Variants in CNTNAP2 observed in about 807,000 individuals in gnomAD.
The protein encoded by CNTNAP2 is contactin-associated protein-like 2.
A neutral mutation model predicts 155.2 loss-of-function variants in CNTNAP2; 98 were observed. The ratio of observed to expected loss-of-function variants is 0.63; its 90% confidence interval spans 0.54 to 0.75. CNTNAP2 has a LOEUF of 0.75. CNTNAP2 is among the 30% of genes least tolerant of loss of function. CNTNAP2 has a pLI of 0.00. For synonymous variants in CNTNAP2, 651 were observed against 631.2 expected, an observed-to-expected ratio of 1.03 and a Z score of -0.47; for missense variants, 1,727 against 1,688.1, an observed-to-expected ratio of 1.02 and a Z score of -0.40.
chr7:148,265,128 C>T (rs1443506535), intron 20 of CNTNAP2, among the ~76,000 whole-genome samples: 3 of 152,244 alleles, frequency 2.0e-5, no homozygotes, highest in East Asian at 1.9e-4. Context: ...AACAGAAGTG[C>T]GGTGGCAGTT....
chr7:146,579,900 G>A (rs1798585639), intron 1 of CNTNAP2, among the ~76,000 whole-genome samples: 3 of 152,062 alleles, frequency 2.0e-5, no homozygotes, highest in East Asian at 1.9e-4. Flanking sequence ...TTTAACCCAC[G>A]TTCTCTTAAA....
At chr7:147,194,660 T>C (rs1802747447) in intron 8 of CNTNAP2, among the ~76,000 whole-genome samples, 1 of 152,248 alleles carries the variant, frequency 6.6e-6, no homozygotes, top group Non-Finnish European at 1.5e-5. Context: ...TTGACTTGCA[T>C]TTCTCTGATG....
chr7:146,332,941 A>AT (rs4016094), intron 1 of CNTNAP2, among the ~76,000 whole-genome samples: 23,470 of 102,482 alleles, frequency 0.23, 3,704 homozygotes, highest in Middle Eastern at 0.36. Flanking sequence ...TTCTTCTTCT[A>AT]TTTTTTTTTT....
At chr7:146,944,338 T>G (rs1797114421) in intron 3 of CNTNAP2, among the ~76,000 whole-genome samples, 1 of 152,098 alleles carries the variant, frequency 6.6e-6, no homozygotes. Context: ...AAAGATCAAC[T>G]GTAGATTTTT....
intron 1 of CNTNAP2, among the ~76,000 whole-genome samples, chr7:146,449,228 GGAAT>G (rs1796443976): frequency 6.6e-6 from 1 of 151,910 alleles, no homozygotes; most frequent in Admixed American, 6.6e-5. Context: ...ATTGGTTTCA[GGAAT>G]GTTTATTATT....
intron 1 of CNTNAP2, among the ~76,000 whole-genome samples, chr7:146,646,618 G>A (rs1159178833): frequency 1.3e-5 from 2 of 152,092 alleles, no homozygotes; most frequent in Non-Finnish European, 2.9e-5. Flanking sequence ...CTCTGTTGGT[G>A]GACATATTCT....
chr7:147,059,392 C>G (rs191475618), intron 4 of CNTNAP2, among the ~76,000 whole-genome samples: 1 of 150,486 alleles, frequency 6.6e-6, no homozygotes. Context: ...TAGTAAGAGT[C>G]TTGAGCACAA....
rs1471650619 is a variant in CNTNAP2 at position 147,300,336 on chromosome 7, G to A, written c.1498+46G>A. ...TGGTTACTAATCCATTGCAAAAAATGAGGTTTCAAAATGAAGTTTGATTAT... is the reference window on the plus strand; with the variant it reads ...TGGTTACTAATCCATTGCAAAAAATAAGGTTTCAAAATGAAGTTTGATTAT... On this transcript the variant is annotated intron_variant, in intron 9 of 23. Coordinates refer to ENST00000361727, the MANE Select transcript of CNTNAP2 (RefSeq NM_014141.6). 1.9e-6 allele frequency: 3 copies of A among 1,608,512 alleles called. No homozygotes were observed. The South Asian group carries it at 3.3e-5, about 18-fold the overall frequency.
At chr7:148,208,823 A>T (rs1585188558) in intron 18 of CNTNAP2, among the ~76,000 whole-genome samples, 2 of 150,672 alleles carry the variant, frequency 1.3e-5, no homozygotes, top group Admixed American at 6.6e-5. Flanking sequence ...TTCTTGAAAA[A>T]CCCTTTTTCC....
intron 1 of CNTNAP2, among the ~76,000 whole-genome samples, chr7:146,675,836 T>C (rs1487359432): frequency 1.3e-5 from 2 of 152,146 alleles, no homozygotes; most frequent in Non-Finnish European, 2.9e-5. Flanking sequence ...TTGTTATCAA[T>C]TTAGTCATTA....
intron 3 of CNTNAP2, among the ~76,000 whole-genome samples, chr7:146,841,976 G>A (rs543660032): frequency 1.8e-4 from 28 of 151,670 alleles, no homozygotes; most frequent in African/African-American, 6.5e-4. Context: ...TCCGCCTCCT[G>A]GATTCAAGCC....
intron 1 of CNTNAP2, among the ~76,000 whole-genome samples, chr7:146,279,661 A>G (rs1317321348): frequency 6.6e-6 from 1 of 152,098 alleles, no homozygotes; most frequent in Admixed American, 6.6e-5. Context: ...AATAATAAGT[A>G]TAATTTATAA....
At chr7:146,161,007 A>G (rs1268274018) in intron 1 of CNTNAP2, among the ~76,000 whole-genome samples, 1 of 152,248 alleles carries the variant, frequency 6.6e-6, no homozygotes, top group Admixed American at 6.5e-5. Context: ...ATCCACCAGG[A>G]TCAAGTTGGC....
intron 16 of CNTNAP2, among the ~76,000 whole-genome samples, chr7:148,139,608 C>T (rs1044615387): frequency 2.0e-5 from 3 of 152,062 alleles, no homozygotes; most frequent in African/African-American, 4.8e-5. Context: ...ACTGCAACCT[C>T]TGGCTCACTG....
intron 2 of CNTNAP2, among the ~76,000 whole-genome samples, chr7:146,789,188 A>G (rs1802629435): frequency 6.6e-6 from 1 of 152,224 alleles, no homozygotes; most frequent in Admixed American, 6.5e-5. Context: ...GGATCTGAGT[A>G]TTTGAAATTA....
chr7:146,900,820 C>T (rs1010911233), intron 3 of CNTNAP2, among the ~76,000 whole-genome samples: 13 of 152,186 alleles, frequency 8.5e-5, no homozygotes, highest in Admixed American at 2.0e-4. Context: ...GCTCTCTCTT[C>T]TACCTGCACC....
At chr7:146,939,621 C>G (rs1286719433) in intron 3 of CNTNAP2, among the ~76,000 whole-genome samples, 1 of 152,126 alleles carries the variant, frequency 6.6e-6, no homozygotes, top group Non-Finnish European at 1.5e-5. Flanking sequence ...CCTTGATTCT[C>G]TTTTCCTTCA....
At chr7:146,714,422 C>T (rs547052467) in intron 1 of CNTNAP2, among the ~76,000 whole-genome samples, 1 of 152,370 alleles carries the variant, frequency 6.6e-6, no homozygotes, top group Admixed American at 6.5e-5. Context: ...GGAAGTAAGA[C>T]ACTAAGGTGG....
chr7:147,121,251 T>C, intron 6 of CNTNAP2, 88 bp downstream of exon 6: 1 of 1,252,808 alleles, frequency 8.0e-7, no homozygotes, highest in Non-Finnish European at 1.1e-6. Context: ...ATTATATTAC[T>C]ACTTACACCT....
Sources: gnomAD v4.1 joint callset for allele counts (sites outside exome capture counted in the v4.1 genomes callset) on GRCh38, gnomAD v4.1.1 for gene constraint, MANE v1.5 for transcripts, NCBI Gene and HGNC (gene_info 2026-07-23, HGNC 2026-07-21) for gene names.